Variants in POFUT4 observed in about 807,000 individuals in gnomAD.
POFUT4 encodes the protein protein O-fucosyltransferase 4.
At chr10:73,772,364 G>A in the POFUT4 span, 4 of 1,516,342 alleles carry the variant, frequency 2.6e-6, no homozygotes, top group Middle Eastern at 1.8e-4. Flanking sequence ...GGTGGTGTTG[G>A]TCCTTCTAGG....
chr10:73,775,880 G>C, the POFUT4 span: 9 of 583,618 alleles, frequency 1.5e-5, no homozygotes, highest in Admixed American at 3.0e-5. Context: ...TCCTCAAGGA[G>C]AGATGGAGGG....
At chr10:73,777,807 G>A in the POFUT4 span, among the ~76,000 whole-genome samples, 1 of 151,706 alleles carries the variant, frequency 6.6e-6, no homozygotes, top group Non-Finnish European at 1.5e-5. Context: ...CACTTGCCTT[G>A]GCCTCCCAAA....
the POFUT4 span, chr10:73,773,423 G>C: frequency 6.2e-7 from 1 of 1,614,222 alleles, no homozygotes; most frequent in Non-Finnish European, 8.5e-7. Flanking sequence ...TGAGGGACTG[G>C]ATGCCGAACA....
At chr10:73,772,710 A>C in the POFUT4 span, 14 of 1,583,814 alleles carry the variant, frequency 8.8e-6, no homozygotes, top group Non-Finnish European at 1.1e-5. Flanking sequence ...TACGGCACAG[A>C]CTTCCGCGCG....
the POFUT4 span, among the ~76,000 whole-genome samples, chr10:73,776,914 C>T: frequency 4.4e-4 from 67 of 152,106 alleles, 1 homozygote; most frequent in Non-Finnish European, 7.8e-4. Context: ...TTCTTGACTT[C>T]GTGATCCGCC....
At chr10:73,774,906 C>G in the POFUT4 span, 327 of 161,872 alleles carry the variant, frequency 2.0e-3, 2 homozygotes, top group South Asian at 4.0e-3. Flanking sequence ...GCTAGAATGG[C>G]CTATAGAAAC....
the POFUT4 span, chr10:73,772,636 C>T: frequency 1.9e-6 from 3 of 1,556,180 alleles, no homozygotes; most frequent in East Asian, 4.8e-5. Context: ...GTGCGCGCGG[C>T]GCGTGCGTGG....
At chr10:73,773,542 A>G in the POFUT4 span, 6 of 1,614,160 alleles carry the variant, frequency 3.7e-6, no homozygotes, top group African/African-American at 2.7e-5. Flanking sequence ...CTGGCATACA[A>G]GCAACCTGGG....
At chr10:73,775,496 AC>A in the POFUT4 span, 1 of 1,614,210 alleles carries the variant, frequency 6.2e-7, no homozygotes, top group Non-Finnish European at 8.5e-7. Flanking sequence ...AGGACTCATA[AC>A]TATGCTGCAG....
the POFUT4 span, chr10:73,772,653 G>A: frequency 9.6e-6 from 15 of 1,555,950 alleles, no homozygotes; most frequent in Admixed American, 1.9e-5. Context: ...GTGGCGTCCC[G>A]GAACCGCCGA....
the POFUT4 span, chr10:73,773,643 G>C: frequency 6.2e-7 from 1 of 1,614,236 alleles, no homozygotes; most frequent in South Asian, 1.1e-5. Context: ...CAACGGCTTC[G>C]AGTGTTTCGT....
chr10:73,772,785 T>A, the POFUT4 span: 57 of 1,610,890 alleles, frequency 3.5e-5, no homozygotes, highest in Middle Eastern at 1.7e-4. Flanking sequence ...GAGTCGCCCC[T>A]CAACAACTTC....
At chr10:73,775,443 C>G in the POFUT4 span, 1 of 1,613,242 alleles carries the variant, frequency 6.2e-7, no homozygotes, top group East Asian at 2.2e-5. Flanking sequence ...TTAGAGACCA[C>G]TGTATCTGCT....
At chr10:73,772,851 G>A in the POFUT4 span, 66 of 1,612,148 alleles carry the variant, frequency 4.1e-5, no homozygotes, top group Non-Finnish European at 5.2e-5. Context: ...ACCTTCAGTC[G>A]CCACTCGGAT....
chr10:73,778,454 T>C, the POFUT4 span, among the ~76,000 whole-genome samples: 1 of 149,150 alleles, frequency 6.7e-6, no homozygotes, highest in Non-Finnish European at 1.5e-5. Flanking sequence ...CTTCTGTTGC[T>C]GTGGTTTGAA....
the POFUT4 span, among the ~76,000 whole-genome samples, chr10:73,777,242 A>G: frequency 6.6e-6 from 1 of 152,128 alleles, no homozygotes; most frequent in African/African-American, 2.4e-5. Context: ...ATTTTTCTTT[A>G]AATGATTTTG....
the POFUT4 span, chr10:73,772,646 G>A: frequency 1.3e-6 from 2 of 1,555,714 alleles, no homozygotes; most frequent in South Asian, 2.3e-5. Context: ...CGCGTGCGTG[G>A]CGTCCCGGAA....
chr10:73,778,391 CAAAAAAAAAAAA>C, the POFUT4 span, among the ~76,000 whole-genome samples: 1 of 43,070 alleles, frequency 2.3e-5, no homozygotes, highest in African/African-American at 7.9e-5. Context: ...AACTCCATCC[CAAAAAAAAAAAA>C]AAAAAAAAAG....
chr10:73,772,364 G>T, the POFUT4 span: 1 of 1,516,342 alleles, frequency 6.6e-7, no homozygotes, highest in South Asian at 1.3e-5. Flanking sequence ...GGTGGTGTTG[G>T]TCCTTCTAGG....
Sources: allele counts gnomAD v4.1 joint callset (sites outside exome capture counted in the v4.1 genomes callset), GRCh38; gene constraint gnomAD v4.1.1; transcripts MANE v1.5; gene names NCBI Gene and HGNC (gene_info 2026-07-23, HGNC 2026-07-21).